The following RTTN variants were observed in gnomAD, a reference collection of about 807,000 sequenced individuals.
RTTN encodes the protein rotatin.
A neutral mutation model predicts 269.2 loss-of-function variants in RTTN; 182 were observed. The observed-to-expected ratio is 0.68, with a 90% CI of 0.60 to 0.76. RTTN has a LOEUF of 0.76. Ranked by LOEUF, RTTN falls within the 30% of genes least tolerant of loss-of-function variation. The pLI is 0.00. For synonymous variants in RTTN, 1,006 were observed against 963.5 expected (o/e 1.04, Z -0.82); for missense variants, 2,545 against 2,608.6 (o/e 0.98, Z 0.53).
intron 32 of RTTN, among the ~76,000 whole-genome samples, chr18:70,085,114 T>C (rs1304525361): frequency 6.6e-6 from 1 of 152,200 alleles, no homozygotes; most frequent in South Asian, 2.1e-4. Flanking sequence ...GTAGAGATTA[T>C]TTGTATTTGA....
intron 44 of RTTN, among the ~76,000 whole-genome samples, chr18:70,024,260 C>T (rs1007750538): frequency 6.6e-6 from 1 of 152,162 alleles, no homozygotes; most frequent in Non-Finnish European, 1.5e-5. Flanking sequence ...GCATGGCCCA[C>T]CACAGGCTCT....
chr18:70,180,129 A>C (rs1212769321), intron 10 of RTTN, among the ~76,000 whole-genome samples: 1 of 152,196 alleles, frequency 6.6e-6, no homozygotes, highest in Non-Finnish European at 1.5e-5. Flanking sequence ...ATTAAAAAAA[A>C]AAAATGCTAT....
intron 23 of RTTN, 137 bp downstream of exon 23, chr18:70,134,336 C>A: frequency 6.0e-6 from 4 of 664,582 alleles, no homozygotes; most frequent in East Asian, 2.9e-5. Flanking sequence ...TTCAAAGCAC[C>A]ATTGTGAAGG....
At chr18:70,156,551 G>A (rs577223562) in intron 14 of RTTN, among the ~76,000 whole-genome samples, 99 of 152,202 alleles carry the variant, frequency 6.5e-4, no homozygotes, top group African/African-American at 2.3e-3. Context: ...TGTGAAGCAC[G>A]TGATTTTTGT....
chr18:70,099,653 C>A (rs1476677505), intron 28 of RTTN, among the ~76,000 whole-genome samples: 4 of 152,264 alleles, frequency 2.6e-5, no homozygotes, highest in Non-Finnish European at 5.9e-5. Flanking sequence ...GAAGTCCTTG[C>A]CCATGCCTAT....
At chr18:70,034,852 G>A (rs1270616351) in intron 40 of RTTN, among the ~76,000 whole-genome samples, 4 of 152,146 alleles carry the variant, frequency 2.6e-5, no homozygotes, top group Non-Finnish European at 4.4e-5. Context: ...CAAAGTCTCA[G>A]GATACAAAAT....
chr18:70,137,382 A>C (rs186914521), intron 21 of RTTN, among the ~76,000 whole-genome samples: 39 of 152,286 alleles, frequency 2.6e-4, no homozygotes, highest in African/African-American at 9.1e-4. Context: ...TCATAACATA[A>C]AGTTTATAAT....
At chr18:70,202,071 T>TA (rs2061967473) in intron 3 of RTTN, 88 bp from the exon 4 acceptor site, 2 of 708,418 alleles carry the variant, frequency 2.8e-6, no homozygotes, top group African/African-American at 1.8e-5. Context: ...TGTTTTCTCT[T>TA]AAGTATTGGA....
At chr18:70,099,425 G>C (rs2059096190) in intron 28 of RTTN, among the ~76,000 whole-genome samples, 1 of 152,116 alleles carries the variant, frequency 6.6e-6, no homozygotes, top group African/African-American at 2.4e-5. Context: ...CTTTTTGATG[G>C]AGTTGTTTTT....
chr18:70,156,550 C>G (rs147363744), intron 14 of RTTN, among the ~76,000 whole-genome samples: 7 of 152,146 alleles, frequency 4.6e-5, no homozygotes, highest in Non-Finnish European at 1.5e-5. Context: ...TTGTGAAGCA[C>G]GTGATTTTTG....
intron 26 of RTTN, among the ~76,000 whole-genome samples, chr18:70,119,661 G>T (rs984403570): frequency 1.3e-5 from 2 of 152,086 alleles, no homozygotes; most frequent in Non-Finnish European, 2.9e-5. Context: ...AAAAACCTCA[G>T]CACACACGCA....
chr18:70,111,779 AT>A (rs201897520), intron 27 of RTTN, among the ~76,000 whole-genome samples: 1 of 152,224 alleles, frequency 6.6e-6, no homozygotes, highest in East Asian at 1.9e-4. Flanking sequence ...ACAGGCCAAC[AT>A]TCCAATTCAG....
intron 30 of RTTN, among the ~76,000 whole-genome samples, 178 bp from the exon 31 acceptor site, chr18:70,088,325 T>C (rs1017322705): frequency 3.3e-5 from 5 of 152,166 alleles, no homozygotes; most frequent in African/African-American, 7.2e-5. Flanking sequence ...AAGAAAGCAG[T>C]AATATAGGAA....
At position 70,201,925 on chromosome 18, in the gene RTTN, G is replaced by A; in HGVS notation, c.456C>T (p.Phe152=). The A allele has an allele frequency of 6.2e-7, 1 of 1,612,400 alleles. No homozygotes were observed. The highest frequency in any genetic ancestry group is 1.1e-5 in the South Asian group (1 of 90,988). Residue 152 remains phenylalanine, a synonymous_variant, in exon 4 of 49, where the codon TTC becomes TTT. Transcript: ENST00000640769. ...TGYFPQDKSN[F]QQMEVPPRPV... The stretch of plus-strand genomic sequence containing the variant: ...GTCGTGGCGGCACTTCCATCTGCTG[G>A]AAATTACTTTTGTCTTGGGGAAAAT...
chr18:70,048,276 C>G (rs1006916835), intron 39 of RTTN, 88 bp from the exon 40 acceptor site: 1 of 1,207,388 alleles, frequency 8.3e-7, no homozygotes, highest in Non-Finnish European at 1.2e-6. Context: ...AGTAACTATA[C>G]TCTGGATCAT....
chr18:70,151,256 T>C (rs1164416572), intron 14 of RTTN, among the ~76,000 whole-genome samples: 1 of 149,158 alleles, frequency 6.7e-6, no homozygotes, highest in East Asian at 1.9e-4. Context: ...ATATATGTGA[T>C]ATATATATGA....
chr18:70,033,413 C>T (rs2057077123), intron 40 of RTTN, among the ~76,000 whole-genome samples: 2 of 152,268 alleles, frequency 1.3e-5, no homozygotes, highest in South Asian at 2.1e-4. Flanking sequence ...GAATTCAATA[C>T]AAAGAAAATT....
At chr18:70,158,348 G>A (rs1295566426) in intron 14 of RTTN, among the ~76,000 whole-genome samples, 5 of 152,148 alleles carry the variant, frequency 3.3e-5, no homozygotes, top group Admixed American at 2.0e-4. Context: ...GCCAAGCTAA[G>A]CTTCATAAGC....
chr18:70,133,046 T>C (rs1464675417), intron 23 of RTTN, among the ~76,000 whole-genome samples: 1 of 152,104 alleles, frequency 6.6e-6, no homozygotes, highest in African/African-American at 2.4e-5. Flanking sequence ...TATAAATGCA[T>C]GATGGGATGT....
Sources: allele counts gnomAD v4.1 joint callset (sites outside exome capture counted in the v4.1 genomes callset), GRCh38; gene constraint gnomAD v4.1.1; transcripts MANE v1.5; gene names NCBI Gene and HGNC (gene_info 2026-07-23, HGNC 2026-07-21).